The following PLA2G10 variants were observed in gnomAD, a reference collection of about 807,000 sequenced individuals.
The protein encoded by PLA2G10 is group 10 secretory phospholipase A2.
A neutral mutation model predicts 7.9 loss-of-function variants in PLA2G10; 9 were observed. The observed-to-expected ratio is 1.14, with a 90% CI of 0.68 to 1.98. The LOEUF (loss-of-function observed/expected upper bound fraction) is 1.98, where lower values mean the gene tolerates loss of function less well. Among genes scored for constraint, PLA2G10 ranks in the 30% most tolerant of loss-of-function variants. The probability of loss-of-function intolerance (pLI) is 0.00; values close to 1 mark genes in which losing one functional copy is unlikely to be tolerated. For missense variants in PLA2G10, 53 were observed against 65.4 expected, an observed-to-expected ratio of 0.81 and a Z score of 0.66; for synonymous variants, 19 against 27.5, an observed-to-expected ratio of 0.69 and a Z score of 0.97.
At chr16:14,680,750 C>T (rs1030526210) in intron 3 of PLA2G10, among the ~76,000 whole-genome samples, 5 of 152,118 alleles carry the variant, frequency 3.3e-5, no homozygotes, top group Admixed American at 6.6e-5. Context: ...AAGCACTTGG[C>T]GCACACACTA....
At chr16:14,686,220 C>G (rs560310087) in intron 3 of PLA2G10, among the ~76,000 whole-genome samples, 1 of 151,980 alleles carries the variant, frequency 6.6e-6, no homozygotes, top group Non-Finnish European at 1.5e-5. Flanking sequence ...TCTTGAATTC[C>G]TAGGCTCAAG....
At chr16:14,684,906 CAA>C (rs1268353482) in intron 3 of PLA2G10, among the ~76,000 whole-genome samples, 2 of 152,144 alleles carry the variant, frequency 1.3e-5, no homozygotes, top group Non-Finnish European at 2.9e-5. Flanking sequence ...ACCAGGTACT[CAA>C]ATAAGTATTT....
At chr16:14,684,392 C>T (rs563005256) in intron 3 of PLA2G10, among the ~76,000 whole-genome samples, 1 of 148,458 alleles carries the variant, frequency 6.7e-6, no homozygotes, top group Non-Finnish European at 1.5e-5. Context: ...CTTGGCCAGG[C>T]ACAGTGGCTC....
Position 14,672,799 on chromosome 16 carries a change from A to G in PLA2G10, c.356-50T>C, listed in dbSNP as rs1173765015. On this transcript the variant is annotated intron_variant, in intron 3 of 3. Coordinates refer to ENST00000438167, the MANE Select transcript of PLA2G10 (RefSeq NM_003561.3). ...TTAGAGCAGGGACCTGGAGAGACTC[A>G]AGGGAAACCAGTAAAGCAAGAGGCA... The G allele has an allele frequency of 5.7e-6, 9 of 1,580,790 alleles. 1 individual carries two copies. In the South Asian group the frequency reaches 7.9e-5, roughly 14 times the overall value.
chr16:14,683,851 G>A (rs1294927051), intron 3 of PLA2G10, among the ~76,000 whole-genome samples: 3 of 152,136 alleles, frequency 2.0e-5, no homozygotes, highest in Non-Finnish European at 2.9e-5. Flanking sequence ...TTTGTGCAAA[G>A]ACACTATCAA....
chr16:14,701,666 C>T, the PLA2G10 span: 1 of 12,004 alleles, frequency 8.3e-5, no homozygotes, highest in African/African-American at 1.8e-4. Flanking sequence ...GTGGGAGGAT[C>T]AGTGGGGCCC....
chr16:14,685,601 T>C lies in PLA2G10; in HGVS notation c.355+2564A>G, dbSNP rs1056393659. Among the ~76,000 whole-genome samples, 9 of 152,240 alleles carry C rather than the reference T, an allele frequency of 5.9e-5. No homozygotes were observed. In the East Asian group the frequency reaches 1.7e-3, roughly 29 times the overall value. ...TTCGAGGCAGAGTGATGAAAAAGTT[T>C]AGGTGGTGGTTGGATGACATTGTGA... is the stretch of plus-strand genomic sequence containing the variant. On this transcript the variant is annotated intron_variant, in intron 3 of 3. Transcript: ENST00000438167.
intron 3 of PLA2G10, among the ~76,000 whole-genome samples, chr16:14,678,104 T>C (rs1277468046): frequency 6.6e-6 from 1 of 152,058 alleles, no homozygotes; most frequent in African/African-American, 2.4e-5. Context: ...CAGAGAAATA[T>C]GATGTAGTGG....
intron 3 of PLA2G10, among the ~76,000 whole-genome samples, chr16:14,685,735 C>G (rs557977654): frequency 6.6e-6 from 1 of 152,214 alleles, no homozygotes; most frequent in East Asian, 1.9e-4. Context: ...CACGCTGTCG[C>G]CCAGGCTGGA....
intron 3 of PLA2G10, among the ~76,000 whole-genome samples, chr16:14,677,981 C>A (rs1960773485): frequency 6.6e-6 from 1 of 152,078 alleles, no homozygotes; most frequent in Non-Finnish European, 1.5e-5. Context: ...GATGGCGAGA[C>A]AGATGAATGG....
In PLA2G10 at chr16:14,672,650, TAGA is replaced by T; in HGVS notation, c.452_454del (p.Phe151del). 1 of 1,613,882 alleles carries T rather than the reference TAGA, an allele frequency of 6.2e-7. No individual in the cohort carries two copies. ...GTCCGGCTCACATAGGAACTGGGGGTAGAAGAGGTACTTTAAGTTGTACTCAGT... is the reference window on the plus strand; with the variant it reads ...GTCCGGCTCACATAGGAACTGGGGGTAGAGGTACTTTAAGTTGTACTCAGT... On this transcript the variant is annotated inframe_deletion, in exon 4 of 4. Transcript: ENST00000438167.
intron 3 of PLA2G10, among the ~76,000 whole-genome samples, chr16:14,683,164 A>C (rs1481773109): frequency 6.6e-6 from 1 of 152,116 alleles, no homozygotes; most frequent in Non-Finnish European, 1.5e-5. Context: ...AAGAGAAGTC[A>C]AATTATTAGC....
chr16:14,682,676 G>T (rs188979658), intron 3 of PLA2G10, among the ~76,000 whole-genome samples: 4 of 152,188 alleles, frequency 2.6e-5, no homozygotes, highest in Admixed American at 6.5e-5. Flanking sequence ...TTTTAATCAA[G>T]AGTTGGAACA....
chr16:14,678,160 G>A (rs1052519311), intron 3 of PLA2G10, among the ~76,000 whole-genome samples: 1 of 152,088 alleles, frequency 6.6e-6, no homozygotes, highest in South Asian at 2.1e-4. Context: ...CCTGGCTATA[G>A]CCCCAGGGTG....
intron 3 of PLA2G10, among the ~76,000 whole-genome samples, chr16:14,686,389 C>T (rs1293046167): frequency 1.3e-5 from 2 of 152,200 alleles, no homozygotes; most frequent in African/African-American, 2.4e-5. Flanking sequence ...AAACTCAAGC[C>T]TTATCTGCAT....
At position 14,687,883 on chromosome 16, in the gene PLA2G10, C is replaced by T. The variant is rs1489338804; in HGVS notation, c.355+282G>A. Among the ~76,000 whole-genome samples, 8 of 151,618 alleles carry T rather than the reference C, an allele frequency of 5.3e-5. No homozygotes were observed. The East Asian group carries it at 5.9e-4, about 11-fold the overall frequency. On this transcript the variant is annotated intron_variant, in intron 3 of 3. Transcript: ENST00000438167. ...GCGTGATGGTGCATGCCTGTAGTCC[C>T]AGCCACTTGGGAGGCTGAGGCACGA...
intron 3 of PLA2G10, among the ~76,000 whole-genome samples, chr16:14,678,131 G>A (rs1209957761): frequency 6.6e-6 from 1 of 152,136 alleles, no homozygotes; most frequent in Non-Finnish European, 1.5e-5. Context: ...GACTCTTGAG[G>A]AAGGAGCCAC....
intron 3 of PLA2G10, among the ~76,000 whole-genome samples, chr16:14,684,468 C>G (rs1237995831): frequency 1.3e-5 from 2 of 151,414 alleles, no homozygotes; most frequent in African/African-American, 2.4e-5. Context: ...GAATTTGAGA[C>G]CAGCCTGACC....
At chr16:14,679,410 T>G (rs1960819880) in intron 3 of PLA2G10, among the ~76,000 whole-genome samples, 1 of 151,900 alleles carries the variant, frequency 6.6e-6, no homozygotes, top group African/African-American at 2.4e-5. Context: ...GCCTGTAATC[T>G]CGGCACTTTG....
Sources: gnomAD v4.1 joint callset for allele counts (sites outside exome capture counted in the v4.1 genomes callset) on GRCh38, gnomAD v4.1.1 for gene constraint, MANE v1.5 for transcripts, NCBI Gene and HGNC (gene_info 2026-07-23, HGNC 2026-07-21) for gene names.